The following SEMA3C variants were observed in gnomAD, a reference collection of about 807,000 sequenced individuals.
The protein encoded by SEMA3C is semaphorin-3C.
Under a neutral mutation model 89.4 loss-of-function variants are expected in SEMA3C, and 47 were observed. The ratio of observed to expected loss-of-function variants is 0.53; its 90% CI spans 0.42 to 0.67. The LOEUF (loss-of-function observed/expected upper bound fraction) is 0.67, where lower values mean the gene tolerates loss of function less well. Ranked by LOEUF, SEMA3C falls within the 30% of genes least tolerant of loss-of-function variation. The pLI, the probability that SEMA3C is intolerant of heterozygous loss-of-function variation, is 0.00. For synonymous variants in SEMA3C, 310 were observed against 320.2 expected (o/e 0.97, Z 0.34); for missense variants, 839 against 929.1 (o/e 0.90, Z 1.26).
chr7:80,825,032 G>C (rs1789838989), intron 4 of SEMA3C, among the ~76,000 whole-genome samples: 1 of 152,028 alleles, frequency 6.6e-6, no homozygotes, highest in Non-Finnish European at 1.5e-5. Flanking sequence ...AAGAATTCCT[G>C]TATTTTAAAA....
intron 11 of SEMA3C, among the ~76,000 whole-genome samples, chr7:80,795,513 C>T (rs764289348): frequency 6.6e-6 from 1 of 152,170 alleles, no homozygotes; most frequent in Non-Finnish European, 1.5e-5. Flanking sequence ...CTAACCCTGG[C>T]TTACTCTACA....
rs1339038699 is a variant in SEMA3C at position 80,916,790 on chromosome 7, A to T, written c.-9T>A. ...ATTGTCCGGAATGCCATTTCTTCAG[A>T]TATGCAAGTTAATATCCAAGGGAAA... is the stretch of plus-strand genomic sequence containing the variant. On this transcript the variant is annotated 5_prime_UTR_variant, in exon 2 of 18. Coordinates refer to ENST00000265361, the MANE Select transcript of SEMA3C (RefSeq NM_006379.5). 1 of 1,613,224 alleles carries T rather than the reference A, an allele frequency of 6.2e-7. No individual in the cohort carries two copies. The highest frequency in any genetic ancestry group is 8.5e-7 in the Non-Finnish European group (1 of 1,179,510).
intron 2 of SEMA3C, among the ~76,000 whole-genome samples, chr7:80,845,036 A>G (rs1157952036): frequency 6.6e-6 from 1 of 152,162 alleles, no homozygotes; most frequent in Non-Finnish European, 1.5e-5. Context: ...TGAACTCATC[A>G]GTGAGAAACC....
intron 2 of SEMA3C, among the ~76,000 whole-genome samples, chr7:80,907,518 G>A (rs73374893): frequency 0.032 from 4,794 of 152,066 alleles, 253 homozygotes; most frequent in African/African-American, 0.11. Context: ...GCGACAATCT[G>A]GCTGGATGGA....
intron 11 of SEMA3C, among the ~76,000 whole-genome samples, chr7:80,797,722 G>A (rs895898453): frequency 5.3e-5 from 8 of 152,020 alleles, no homozygotes; most frequent in East Asian, 1.9e-4. Flanking sequence ...TATTCAGGCC[G>A]GGTGCGGTGG....
chr7:80,749,086 A>T, intron 16 of SEMA3C, 58 bp from the exon 17 acceptor site: 1 of 1,513,006 alleles, frequency 6.6e-7, no homozygotes, highest in East Asian at 2.3e-5. Context: ...AATTTAGAGC[A>T]CATTCTCCTG....
chr7:80,808,110 T>C (rs1435852925), intron 6 of SEMA3C, among the ~76,000 whole-genome samples: 2 of 152,164 alleles, frequency 1.3e-5, no homozygotes, highest in African/African-American at 2.4e-5. Flanking sequence ...CTAACTCCTA[T>C]TTTGGAAACA....
chr7:80,889,739 GAAAAA>G (rs927079429), intron 2 of SEMA3C, among the ~76,000 whole-genome samples: 3 of 151,416 alleles, frequency 2.0e-5, no homozygotes, highest in African/African-American at 7.3e-5. Context: ...ATTGTAAAAA[GAAAAA>G]AAAGATTCTT....
At chr7:80,894,114 C>T (rs761480345) in intron 2 of SEMA3C, among the ~76,000 whole-genome samples, 1 of 152,086 alleles carries the variant, frequency 6.6e-6, no homozygotes, top group Admixed American at 6.6e-5. Context: ...CAACCAAATG[C>T]TTTCTTTTGT....
At chr7:80,818,041 C>T (rs977142493) in intron 5 of SEMA3C, among the ~76,000 whole-genome samples, 1 of 150,176 alleles carries the variant, frequency 6.7e-6, no homozygotes, top group Admixed American at 6.7e-5. Flanking sequence ...TATATAGTTG[C>T]CTCCAACTAA....
At chr7:80,885,280 T>C (rs1231118934) in intron 2 of SEMA3C, among the ~76,000 whole-genome samples, 1 of 152,162 alleles carries the variant, frequency 6.6e-6, no homozygotes. Context: ...CCCCCTCTTT[T>C]ATCCCTAGGT....
Position 80,872,181 on chromosome 7 carries a change from C to T in SEMA3C, c.104-43436G>A, listed in dbSNP as rs552556610. 3.1e-3 allele frequency among the ~76,000 whole-genome samples: 471 copies of T among 152,170 alleles called. 2 individuals carry two copies. Among genetic ancestry groups the T allele is most frequent in the African/African-American group, 0.011 (454 of 41,530 alleles). ...TTGTTGTTGTTTTCAGACAGAGTCTCGCTCTGTCACCCAGGCTGGAGTGCA... is the reference window on the plus strand; with the variant it reads ...TTGTTGTTGTTTTCAGACAGAGTCTTGCTCTGTCACCCAGGCTGGAGTGCA... On this transcript the variant is annotated intron_variant, in intron 2 of 17. Coordinates refer to ENST00000265361, the MANE Select transcript of SEMA3C (RefSeq NM_006379.5).
intron 2 of SEMA3C, among the ~76,000 whole-genome samples, chr7:80,905,310 GAGA>G: frequency 7.3e-5 from 5 of 68,510 alleles, no homozygotes; most frequent in Admixed American, 1.5e-4. Flanking sequence ...GAGAGGGGGA[GAGA>G]GGGGGAGAGA....
At chr7:80,896,150 C>T (rs907105107) in intron 2 of SEMA3C, among the ~76,000 whole-genome samples, 3 of 151,890 alleles carry the variant, frequency 2.0e-5, no homozygotes, top group Non-Finnish European at 4.4e-5. Flanking sequence ...ATTGCTTTTT[C>T]GATTTCCCCA....
At chr7:80,900,686 T>C (rs1009248143) in intron 2 of SEMA3C, among the ~76,000 whole-genome samples, 1 of 152,188 alleles carries the variant, frequency 6.6e-6, no homozygotes, top group Non-Finnish European at 1.5e-5. Context: ...AGGGAATCAA[T>C]TGTTTCCATT....
At position 80,867,304 on chromosome 7, in the gene SEMA3C, C is replaced by T. The variant is rs185366287; in HGVS notation, c.104-38559G>A. Among the ~76,000 whole-genome samples, 3 of 152,090 alleles carry T rather than the reference C, an allele frequency of 2.0e-5. No individual in the cohort carries two copies. In the East Asian group the frequency reaches 5.8e-4, roughly 29 times the overall value. Reference sequence around the variant, plus strand: ...TTTTTAGAGACAGGATCTTGCTATACTGCCCAGACTGGTCTAGAACTCCTG... The same window carrying T: ...TTTTTAGAGACAGGATCTTGCTATATTGCCCAGACTGGTCTAGAACTCCTG... On this transcript the variant is annotated intron_variant, in intron 2 of 17. Coordinates refer to ENST00000265361, the MANE Select transcript of SEMA3C (RefSeq NM_006379.5).
In SEMA3C at chr7:80,802,681, T is replaced by C; in HGVS notation, c.900A>G (p.Thr300=). Residue 300 remains threonine (T), a synonymous_variant, in exon 9 of 18, where the codon ACA becomes ACG. Coordinates refer to ENST00000265361, the MANE Select transcript of SEMA3C (RefSeq NM_006379.5). ...TGTATGTACCTAATTCATCAAAGTG[T>C]GTTTCTGGGCCGTCTTCATCTGTTA... ...CSVTDEDGPE[T]HFDELEDVFL... 1 of 1,612,750 alleles carries C rather than the reference T, an allele frequency of 6.2e-7. No individual in the cohort carries two copies. Among genetic ancestry groups the C allele is most frequent in the Non-Finnish European group, 8.5e-7 (1 of 1,178,874 alleles).
chr7:80,882,282 A>G (rs1222832414), intron 2 of SEMA3C, among the ~76,000 whole-genome samples: 2 of 152,070 alleles, frequency 1.3e-5, no homozygotes, highest in African/African-American at 4.8e-5. Flanking sequence ...TGTCTGTTTT[A>G]TTGGCCTGAA....
At chr7:80,919,279 G>C, upstream of SEMA3C, 1 of 984,020 alleles carries the variant, frequency 1.0e-6, no homozygotes, top group Non-Finnish European at 1.2e-6. Context: ...TAGAGCTCGC[G>C]GCTGGCCAGA....
Sources: allele counts gnomAD v4.1 joint callset (sites outside exome capture counted in the v4.1 genomes callset), GRCh38; gene constraint gnomAD v4.1.1; transcripts MANE v1.5; gene names NCBI Gene and HGNC (gene_info 2026-07-23, HGNC 2026-07-21).